Variants in TIMP2 observed in about 807,000 individuals in gnomAD.
The protein encoded by TIMP2 is metalloproteinase inhibitor 2.
In TIMP2, 5 loss-of-function variants were observed where a neutral mutation model predicts 24.3. That is an observed-to-expected ratio of 0.21 (90% CI 0.11 to 0.43). The LOEUF is 0.43. Among genes scored for constraint, TIMP2 ranks in the 20% least tolerant of loss-of-function variants. The pLI is 1.00. For synonymous variants in TIMP2, 130 were observed against 123.2 expected (o/e 1.06, Z -0.37); for missense variants, 221 against 297.5 (o/e 0.74, Z 1.89).
chr17:78,909,492 C>T (rs1054924459), intron 1 of TIMP2, among the ~76,000 whole-genome samples: 4 of 149,276 alleles, frequency 2.7e-5, no homozygotes, highest in Non-Finnish European at 4.5e-5. Flanking sequence ...CCAGTCCTTT[C>T]TCCCTCATGT....
In TIMP2 at chr17:78,889,278, C is replaced by G. The variant is rs61086147; in HGVS notation, c.131-15359G>C. Among the ~76,000 whole-genome samples the G allele has an allele frequency of 2.1e-3, 320 of 152,320 alleles. 6 individuals carry two copies. The East Asian group carries it at 0.052, about 25-fold the overall frequency. ...TACCCAGTGTGAGGTCTCCATGGCT[C>G]TGGTGGATGCCAGGTCAGTGGCAAA... On this transcript the variant is annotated intron_variant, in intron 1 of 4. Transcript: ENST00000262768.
intron 1 of TIMP2, among the ~76,000 whole-genome samples, chr17:78,918,206 T>G (rs116323575): frequency 0.024 from 3,595 of 152,232 alleles, 146 homozygotes; most frequent in African/African-American, 0.079. Flanking sequence ...TTATAAAGAC[T>G]GTTCCTCAAT....
intron 3 of TIMP2, among the ~76,000 whole-genome samples, chr17:78,870,504 A>G (rs1418810721): frequency 6.6e-6 from 1 of 152,144 alleles, no homozygotes. Flanking sequence ...ACCACAATAA[A>G]AAAAGGAGAC....
Position 78,897,095 on chromosome 17 carries a change from A to AC in TIMP2, c.131-23177dup, listed in dbSNP as rs3833175. On this transcript the variant is annotated intron_variant, in intron 1 of 4. Coordinates refer to ENST00000262768, the MANE Select transcript of TIMP2 (RefSeq NM_003255.5). ...GGAAGTGCCAGGGCCCACAGACAGC[A>AC]CCCCCCCGCCCCCCGCCGGCCTCCT... 173 of 628,546 alleles carry AC rather than the reference A, an allele frequency of 2.8e-4. 1 individual carries two copies. The highest frequency in any genetic ancestry group is 1.6e-3 in the Admixed American group (25 of 15,600). The allele number at this position is 628,546 out of a possible 1,614,324, so 38.9% of individuals were successfully genotyped here. A position where few individuals can be genotyped will look rare whatever the true frequency, so the allele number is the denominator to read the frequency against.
chr17:78,887,794 C>T (rs1317043775), intron 1 of TIMP2, among the ~76,000 whole-genome samples: 1 of 151,566 alleles, frequency 6.6e-6, no homozygotes, highest in Non-Finnish European at 1.5e-5. Context: ...TTTCCCACAC[C>T]TACATCCCAG....
chr17:78,909,358 TAA>T (rs528903946), intron 1 of TIMP2, among the ~76,000 whole-genome samples: 1 of 144,122 alleles, frequency 6.9e-6, no homozygotes, highest in Admixed American at 6.9e-5. Flanking sequence ...CTCATCTCTT[TAA>T]AAAAAAAAAA....
At chr17:78,859,936 G>A (rs895648784) in intron 3 of TIMP2, among the ~76,000 whole-genome samples, 3 of 152,168 alleles carry the variant, frequency 2.0e-5, no homozygotes, top group Non-Finnish European at 2.9e-5. Flanking sequence ...AGGTTACAGC[G>A]AGAAGAGGTC....
At chr17:78,912,656 G>A (rs538984654) in intron 1 of TIMP2, among the ~76,000 whole-genome samples, 35 of 152,312 alleles carry the variant, frequency 2.3e-4, no homozygotes, top group Non-Finnish European at 4.6e-4. Context: ...GCTTGCTTCT[G>A]GAAAGCAGGG....
chr17:78,861,983 G>A (rs2069570898), intron 3 of TIMP2, among the ~76,000 whole-genome samples: 1 of 152,230 alleles, frequency 6.6e-6, no homozygotes, highest in Non-Finnish European at 1.5e-5. Flanking sequence ...CACACCGTGA[G>A]CATCTGCAGC....
chr17:78,860,236 C>A (rs1429511157), intron 3 of TIMP2, among the ~76,000 whole-genome samples: 1 of 152,076 alleles, frequency 6.6e-6, no homozygotes, highest in African/African-American at 2.4e-5. Flanking sequence ...TACAACAGCC[C>A]CTTGTGAAGA....
chr17:78,920,262 C>T lies in TIMP2; in HGVS notation c.130+4697G>A, dbSNP rs1026151255. ...CACACCAGTGGCATCTACCTAGCAACCTGGCTGCGACAGCAGGGAGGAGGG... is the reference window on the plus strand; with the variant it reads ...CACACCAGTGGCATCTACCTAGCAATCTGGCTGCGACAGCAGGGAGGAGGG... On this transcript the variant is annotated intron_variant, in intron 1 of 4. Coordinates refer to ENST00000262768, the MANE Select transcript of TIMP2 (RefSeq NM_003255.5). The surrounding 1 kb of genome is among the most constrained non-coding windows in gnomAD (Gnocchi z 4.5). Among the ~76,000 whole-genome samples, 3 of 152,208 alleles carry T rather than the reference C, an allele frequency of 2.0e-5. No individual in the cohort carries two copies. Among genetic ancestry groups the T allele is most frequent in the Admixed American group, 6.5e-5 (1 of 15,278 alleles).
chr17:78,866,282 G>A (rs1039955836), intron 3 of TIMP2, among the ~76,000 whole-genome samples: 3 of 152,136 alleles, frequency 2.0e-5, no homozygotes, highest in South Asian at 2.1e-4. Flanking sequence ...CGTGCTGTGC[G>A]GCCACCCCAG....
intron 1 of TIMP2, among the ~76,000 whole-genome samples, chr17:78,908,230 T>C (rs1240107866): frequency 1.3e-5 from 2 of 152,198 alleles, no homozygotes; most frequent in East Asian, 3.8e-4. Flanking sequence ...ACTGTATATA[T>C]AGGTGTTTCT....
intron 1 of TIMP2, among the ~76,000 whole-genome samples, chr17:78,881,333 C>A (rs1453954827): frequency 6.6e-6 from 1 of 152,248 alleles, no homozygotes; most frequent in African/African-American, 2.4e-5. Context: ...AAGGGGTCCC[C>A]ATGTTCTCAA....
intron 1 of TIMP2, among the ~76,000 whole-genome samples, chr17:78,887,778 G>A (rs901675167): frequency 2.4e-4 from 37 of 151,234 alleles, no homozygotes; most frequent in Non-Finnish European, 4.6e-4. Context: ...AGCAATAAAC[G>A]GGATCTTTCC....
chr17:78,891,281 C>A lies in TIMP2; in HGVS notation c.131-17362G>T. On this transcript the variant is annotated intron_variant, in intron 1 of 4. Coordinates refer to ENST00000262768, the MANE Select transcript of TIMP2 (RefSeq NM_003255.5). This position sits in a 1 kb window ranked among gnomAD's most constrained non-coding sequence, Gnocchi z 4.5. ...CTGCTGCGCCTCCTCCTCTGCTGGG[C>A]TCCTGGGTTCCCCGGCAGGCAGCAT... The A allele has an allele frequency of 1.3e-6, 2 of 1,550,620 alleles. No individual in the cohort carries two copies. The highest frequency in any genetic ancestry group is 1.7e-6 in the Non-Finnish European group (2 of 1,147,004).
rs1451060507 is a variant in TIMP2, at chr17:78,886,609, A to C, written c.131-12690T>G. ...AAAAACAGCAGCCCTCCTGACCCCC[A>C]GTTTCCTTCTTAATCATGTTGAGCC... On this transcript the variant is annotated intron_variant, in intron 1 of 4. Coordinates refer to ENST00000262768, the MANE Select transcript of TIMP2 (RefSeq NM_003255.5). Among the ~76,000 whole-genome samples, 8 of 152,118 alleles carry C rather than the reference A, an allele frequency of 5.3e-5. No homozygotes were observed. The South Asian group carries it at 6.2e-4, about 12-fold the overall frequency.
At chr17:78,921,166 T>C (rs2070306184) in intron 1 of TIMP2, among the ~76,000 whole-genome samples, 1 of 152,216 alleles carries the variant, frequency 6.6e-6, no homozygotes, top group Non-Finnish European at 1.5e-5. Flanking sequence ...CTGCGTGCTG[T>C]GTGTTTTCTG....
rs1164834483 is a variant in TIMP2, at chr17:78,891,795, G to A, written c.131-17876C>T. The A allele has an allele frequency of 3.9e-6, 6 of 1,551,002 alleles. No individual in the cohort carries two copies. The highest frequency in any genetic ancestry group is 2.4e-5 in the South Asian group (2 of 84,068). On this transcript the variant is annotated intron_variant, in intron 1 of 4. Coordinates refer to ENST00000262768, the MANE Select transcript of TIMP2 (RefSeq NM_003255.5). This position sits in a 1 kb window ranked among gnomAD's most constrained non-coding sequence, Gnocchi z 4.5. ...CTCCTCCGAGGATGGATGGCACAGC[G>A]GCCACCCCCAGACTTGGTCGAAGGT...
Sources: gnomAD v4.1 joint callset for allele counts (sites outside exome capture counted in the v4.1 genomes callset) on GRCh38, gnomAD v4.1.1 for gene constraint, Gnocchi (gnomAD v3.1) non-coding constraint, MANE v1.5 for transcripts, NCBI Gene and HGNC (gene_info 2026-07-23, HGNC 2026-07-21) for gene names.